ARMC12: variants seen among roughly 807,000 people sequenced by gnomAD.
ARMC12 encodes the protein armadillo repeat containing 12.
In ARMC12, 25 loss-of-function variants were observed where a neutral mutation model predicts 37.4. That is an observed-to-expected ratio of 0.67 (90% CI 0.49 to 0.93). The LOEUF is 0.93. Among genes scored for constraint, ARMC12 ranks in the 40% least tolerant of loss-of-function variants. The pLI is 0.00. For missense variants in ARMC12, 384 were observed against 426.6 expected, an observed-to-expected ratio of 0.90 and a Z score of 0.88; for synonymous variants, 167 against 176.1, an observed-to-expected ratio of 0.95 and a Z score of 0.41.
Position 35,741,575 on chromosome 6 carries a change from T to C in ARMC12, c.444+3057T>C, listed in dbSNP as rs137985080. Reference sequence around the variant, plus strand: ...AATCACAGGCGTGCGCGCACCACCATGCCTGGCTAATTTTTTTGTATTTTA... The same window carrying C: ...AATCACAGGCGTGCGCGCACCACCACGCCTGGCTAATTTTTTTGTATTTTA... On this transcript the variant is annotated intron_variant, in intron 3 of 5. Coordinates refer to ENST00000373866, the MANE Select transcript of ARMC12 (RefSeq NM_001286574.2). Among the ~76,000 whole-genome samples, 140 of 152,178 alleles carry C rather than the reference T, an allele frequency of 9.2e-4. 1 individual carries two copies. The East Asian group carries it at 0.018, about 20-fold the overall frequency.
At chr6:35,732,209 CTGGTTCCTGGGCAGGAG>C (rs1003654478), upstream of ARMC12, among the ~76,000 whole-genome samples, 1 of 152,192 alleles carries the variant, frequency 6.6e-6, no homozygotes, top group Non-Finnish European at 1.5e-5. Flanking sequence ...GCCCCAGGAT[CTGGTTCCTGGGCAGGAG>C]TAAGCGCTAG....
chr6:35,739,233 G>A (rs1767093246), intron 3 of ARMC12, among the ~76,000 whole-genome samples: 1 of 152,224 alleles, frequency 6.6e-6, no homozygotes, highest in East Asian at 1.9e-4. Flanking sequence ...TTCTGTAACC[G>A]GTTACAGGGA....
chr6:35,747,517 T>C lies in ARMC12; in HGVS notation c.619-59T>C, dbSNP rs1767378222. 2.5e-6 allele frequency: 4 copies of C among 1,611,948 alleles called. No homozygotes were observed. The Admixed American group carries it at 6.7e-5, about 27-fold the overall frequency. On this transcript the variant is annotated intron_variant, in intron 4 of 5. Transcript: ENST00000373866. ...AGAGGGAGGAGCAGAGGTTTATATC[T>C]TCCTTGCTGAGGCCCAGACTCACCT...
upstream of ARMC12, among the ~76,000 whole-genome samples, chr6:35,732,348 G>T (rs1395365364): frequency 6.6e-6 from 1 of 152,216 alleles, no homozygotes; most frequent in South Asian, 2.1e-4. Context: ...AGCGTCCCCT[G>T]TGCACCGAAA....
chr6:35,741,355 C>G (rs1163578138), intron 3 of ARMC12, among the ~76,000 whole-genome samples: 1 of 152,038 alleles, frequency 6.6e-6, no homozygotes, highest in Non-Finnish European at 1.5e-5. Context: ...CATTTTCACC[C>G]CACCAGCCCT....
upstream of ARMC12, among the ~76,000 whole-genome samples, chr6:35,732,567 C>T (rs1329790365): frequency 1.3e-5 from 2 of 152,214 alleles, no homozygotes; most frequent in Non-Finnish European, 2.9e-5. Context: ...TCTATGCGCA[C>T]AAGTGCTGGG....
At chr6:35,744,228 G>A (rs1408569628) in intron 3 of ARMC12, among the ~76,000 whole-genome samples, 4 of 151,908 alleles carry the variant, frequency 2.6e-5, no homozygotes, top group African/African-American at 4.8e-5. Flanking sequence ...TGCAACTTCC[G>A]CCTCCCGGGT....
intron 1 of ARMC12, 105 bp downstream of exon 1, chr6:35,737,376 C>T (rs1242792662): frequency 1.9e-6 from 3 of 1,613,064 alleles, no homozygotes; most frequent in Non-Finnish European, 2.5e-6. Flanking sequence ...GTTCCTCTTT[C>T]CTTTGTCTTT....
At chr6:35,742,750 T>C (rs1009267039) in intron 3 of ARMC12, among the ~76,000 whole-genome samples, 3 of 152,084 alleles carry the variant, frequency 2.0e-5, no homozygotes, top group African/African-American at 7.2e-5. Flanking sequence ...GCCTTCCCCA[T>C]GGGCAGCTGC....
At chr6:35,746,965 G>A (rs1287491592) in intron 3 of ARMC12, among the ~76,000 whole-genome samples, 1 of 146,410 alleles carries the variant, frequency 6.8e-6, no homozygotes, top group South Asian at 2.2e-4. Context: ...CATGTGGATC[G>A]TATTTAACAC....
intron 3 of ARMC12, among the ~76,000 whole-genome samples, chr6:35,742,496 C>CAAAAAAAAAAA (rs760070963): frequency 2.3e-5 from 1 of 43,430 alleles, no homozygotes; most frequent in Non-Finnish European, 4.3e-5. Context: ...GACTCTGTCT[C>CAAAAAAAAAAA]AAAAAAAAAA....
At chr6:35,734,808 A>G (rs1255566316), upstream of ARMC12, among the ~76,000 whole-genome samples, 1 of 152,130 alleles carries the variant, frequency 6.6e-6, no homozygotes, top group East Asian at 1.9e-4. Flanking sequence ...TCTCAAAAAA[A>G]AGAAAAAAAA....
chr6:35,745,865 G>A (rs1422219094), intron 3 of ARMC12, among the ~76,000 whole-genome samples: 1 of 152,092 alleles, frequency 6.6e-6, no homozygotes, highest in Non-Finnish European at 1.5e-5. Flanking sequence ...GGCCAACATG[G>A]CGAAAACCCG....
chr6:35,737,880 T>A, intron 1 of ARMC12, 147 bp from the exon 2 acceptor site: 1 of 1,039,792 alleles, frequency 9.6e-7, no homozygotes. Flanking sequence ...TTCGTTCAAC[T>A]GTACATGGTG....
At chr6:35,745,852 C>A (rs1767321098) in intron 3 of ARMC12, among the ~76,000 whole-genome samples, 1 of 152,092 alleles carries the variant, frequency 6.6e-6, no homozygotes, top group African/African-American at 2.4e-5. Context: ...TCAAGACCAG[C>A]CTGGCCAACA....
At chr6:35,741,045 G>A (rs1306135923) in intron 3 of ARMC12, among the ~76,000 whole-genome samples, 1 of 151,946 alleles carries the variant, frequency 6.6e-6, no homozygotes, top group Non-Finnish European at 1.5e-5. Flanking sequence ...GAGTACGGGT[G>A]TGCTCAGTGA....
chr6:35,744,362 G>A (rs965583295), intron 3 of ARMC12, among the ~76,000 whole-genome samples: 3 of 151,934 alleles, frequency 2.0e-5, no homozygotes, highest in East Asian at 1.9e-4. Context: ...GGATGGTCTC[G>A]GTCTCTTGAC....
rs1315309195 is a variant in ARMC12 at position 35,748,854 on chromosome 6, T to G, written c.1007T>G (p.Phe336Cys). The change falls in exon 6 of 6, where the codon TTT (phenylalanine) becomes TGT (cysteine). Residue 336 changes from phenylalanine to cysteine, a missense_variant. Coordinates refer to ENST00000373866, the MANE Select transcript of ARMC12 (RefSeq NM_001286574.2). Reference protein sequence around the residue: ...PSSCQPSRSYFKNTE With the variant: ...PSSCQPSRSYCKNTE Reference sequence around the variant, plus strand: ...TCCTGCCAGCCCAGTCGTTCCTACTTTAAAAACACGGAATAAAATTAAGGA... The same window carrying G: ...TCCTGCCAGCCCAGTCGTTCCTACTGTAAAAACACGGAATAAAATTAAGGA... The G allele has an allele frequency of 1.2e-6, 2 of 1,609,674 alleles. No individual in the cohort carries two copies. Among genetic ancestry groups the G allele is most frequent in the African/African-American group, 2.7e-5 (2 of 74,650 alleles).
In ARMC12 at chr6:35,747,345, C is replaced by T. The variant is rs1030604572; in HGVS notation, c.529C>T (p.Leu177Phe). 6.8e-6 allele frequency: 11 copies of T among 1,614,166 alleles called. No homozygotes were observed. The highest frequency in any genetic ancestry group is 8.5e-6 in the Non-Finnish European group (10 of 1,180,036). The change falls in exon 4 of 6, where the codon CTT (leucine) becomes TTT (phenylalanine). Residue 177 changes from leucine to phenylalanine, a missense_variant. By Grantham distance (22) the Leu-to-Phe change is conservative (BLOSUM62 0). Coordinates refer to ENST00000373866, the MANE Select transcript of ARMC12 (RefSeq NM_001286574.2). ...HIAGLRLLNN[L>F]PLPDYVHPQL... ...TGCGGGCCTCAGACTCCTCAACAAC[C>T]TTCCACTGCCCGACTATGTGCATCC...
Sources: allele counts gnomAD v4.1 joint callset (sites outside exome capture counted in the v4.1 genomes callset), GRCh38; gene constraint gnomAD v4.1.1; transcripts MANE v1.5; gene names NCBI Gene and HGNC (gene_info 2026-07-23, HGNC 2026-07-21).